MSH4: variants seen among roughly 807,000 people sequenced by gnomAD.
MSH4 encodes the protein mutS homolog 4.
MSH4 carries 106 observed loss-of-function variants against 113.7 expected under a neutral mutation model. The ratio of observed to expected loss-of-function variants is 0.93; its 90% CI spans 0.80 to 1.10. MSH4 has a LOEUF of 1.10. Ranked by LOEUF, MSH4 falls within the 50% of genes least tolerant of loss-of-function variation. MSH4 has a pLI of 0.00. For synonymous variants in MSH4, 368 were observed against 380.2 expected, an observed-to-expected ratio of 0.97 and a Z score of 0.37; for missense variants, 1,061 against 1,093.7, an observed-to-expected ratio of 0.97 and a Z score of 0.42.
At chr1:75,870,760 T>G (rs1279527786) in intron 9 of MSH4, among the ~76,000 whole-genome samples, 1 of 152,210 alleles carries the variant, frequency 6.6e-6, no homozygotes, top group African/African-American at 2.4e-5. Flanking sequence ...GTCTTGGGTA[T>G]GTCTTTCTTA....
chr1:75,834,314 G>A lies in MSH4; in HGVS notation c.1162+11733G>A, dbSNP rs546773514. ...GGAGAGGATGTGGAGAAATAAGAAT[G>A]CTTTTACACTGTTGGTGGGACTGTA... On this transcript the variant is annotated intron_variant, in intron 7 of 19. Transcript: ENST00000263187. Among the ~76,000 whole-genome samples, 16 of 152,256 alleles carry A rather than the reference G, an allele frequency of 1.1e-4. No homozygotes were observed. In the South Asian group the frequency reaches 1.5e-3, roughly 14 times the overall value.
chr1:75,902,993 G>T (rs867255031), intron 19 of MSH4, among the ~76,000 whole-genome samples: 1 of 150,266 alleles, frequency 6.7e-6, no homozygotes, highest in Non-Finnish European at 1.5e-5. Flanking sequence ...CCTTCTGTAG[G>T]CTGTCTCTTC....
Position 75,883,743 on chromosome 1 carries a change from A to T in MSH4, c.2029A>T (p.Ile677Phe), listed in dbSNP as rs1414371749. ...TYVTEGSNFLIITGPNMSGKS... is the reference protein window; with the variant it reads ...TYVTEGSNFLFITGPNMSGKS... ...TGTTACAGAAGGGAGTAATTTTTTGATCATAACTGGACCAAACATGAGTGG... is the reference window on the plus strand; with the variant it reads ...TGTTACAGAAGGGAGTAATTTTTTGTTCATAACTGGACCAAACATGAGTGG... The change falls in exon 15 of 20, where the codon ATC becomes TTC. Residue 677 changes from isoleucine (I) to phenylalanine (F), a missense_variant. By Grantham distance (21) the Ile-to-Phe change is conservative. Coordinates refer to ENST00000263187, the MANE Select transcript of MSH4 (RefSeq NM_002440.4). 6.2e-7 allele frequency: 1 copy of T among 1,613,272 alleles called. No homozygotes were observed. The highest frequency in any genetic ancestry group is 8.5e-7 in the Non-Finnish European group (1 of 1,179,634).
At chr1:75,901,524 G>A (rs1322494452) in intron 19 of MSH4, among the ~76,000 whole-genome samples, 1 of 152,094 alleles carries the variant, frequency 6.6e-6, no homozygotes, top group Non-Finnish European at 1.5e-5. Context: ...ATTCCATTGT[G>A]TATATTTACC....
At chr1:75,820,426 T>C (rs1221753684) in intron 6 of MSH4, among the ~76,000 whole-genome samples, 1 of 152,234 alleles carries the variant, frequency 6.6e-6, no homozygotes, top group Non-Finnish European at 1.5e-5. Context: ...CTGGTAGAAT[T>C]TGGCTGTGAA....
At chr1:75,897,799 C>A in intron 17 of MSH4, 108 bp from the exon 18 acceptor site, 1 of 597,816 alleles carries the variant, frequency 1.7e-6, no homozygotes, top group Non-Finnish European at 2.6e-6. Context: ...TACATCTCTG[C>A]CAAGCTACTT....
At chr1:75,835,365 T>A (rs1303697607) in intron 7 of MSH4, among the ~76,000 whole-genome samples, 1 of 152,192 alleles carries the variant, frequency 6.6e-6, no homozygotes, top group Non-Finnish European at 1.5e-5. Context: ...TTTTTAACTA[T>A]CCTTTTCTTG....
intron 7 of MSH4, among the ~76,000 whole-genome samples, chr1:75,825,781 T>G (rs1650533097): frequency 6.6e-6 from 1 of 152,140 alleles, no homozygotes; most frequent in South Asian, 2.1e-4. Flanking sequence ...GATTTGCATA[T>G]GTTGAACTAG....
At chr1:75,821,132 C>G (rs1650399008) in intron 6 of MSH4, among the ~76,000 whole-genome samples, 1 of 148,760 alleles carries the variant, frequency 6.7e-6, no homozygotes, top group African/African-American at 2.5e-5. Context: ...ACACCTATTC[C>G]AAAATTGACC....
At chr1:75,848,340 G>T in intron 8 of MSH4, 64 bp downstream of exon 8, 1 of 1,138,592 alleles carries the variant, frequency 8.8e-7, no homozygotes, top group Non-Finnish European at 1.3e-6. Context: ...TTGTCTTAAT[G>T]TAATGTAACA....
intron 17 of MSH4, among the ~76,000 whole-genome samples, chr1:75,893,194 A>G (rs1652297001): frequency 6.6e-6 from 1 of 152,184 alleles, no homozygotes; most frequent in Non-Finnish European, 1.5e-5. Context: ...ATTTTAAATA[A>G]CAAAAAAGCA....
intron 7 of MSH4, among the ~76,000 whole-genome samples, chr1:75,828,359 C>T (rs983450908): frequency 6.6e-6 from 1 of 152,186 alleles, no homozygotes; most frequent in Non-Finnish European, 1.5e-5. Flanking sequence ...CCTGCACTCA[C>T]ATGTTTATTG....
intron 7 of MSH4, among the ~76,000 whole-genome samples, chr1:75,831,488 C>T (rs1369809859): frequency 1.3e-5 from 2 of 152,156 alleles, no homozygotes; most frequent in East Asian, 3.8e-4. Flanking sequence ...TATACATTTT[C>T]TCAGCACCAC....
At chr1:75,832,946 A>C (rs1650736646) in intron 7 of MSH4, among the ~76,000 whole-genome samples, 1 of 152,192 alleles carries the variant, frequency 6.6e-6, no homozygotes, top group Admixed American at 6.5e-5. Flanking sequence ...GCAAGCAGGC[A>C]AAAGAAAGAA....
intron 8 of MSH4, among the ~76,000 whole-genome samples, chr1:75,865,515 T>A (rs949852717): frequency 2.6e-5 from 4 of 152,140 alleles, no homozygotes; most frequent in Admixed American, 1.3e-4. Context: ...CTAGGGTTGG[T>A]CGAGAGGCAG....
At chr1:75,846,376 T>C (rs1651078813) in intron 7 of MSH4, among the ~76,000 whole-genome samples, 1 of 152,226 alleles carries the variant, frequency 6.6e-6, no homozygotes, top group Admixed American at 6.5e-5. Flanking sequence ...AATGTCATCT[T>C]TAAAGTATTT....
intron 6 of MSH4, among the ~76,000 whole-genome samples, chr1:75,822,026 A>G (rs909098699): frequency 3.3e-5 from 5 of 152,192 alleles, no homozygotes; most frequent in Non-Finnish European, 5.9e-5. Context: ...TCACGCCTGT[A>G]ATCCCAGCAC....
intron 15 of MSH4, among the ~76,000 whole-genome samples, chr1:75,884,044 G>A (rs1490146897): frequency 1.3e-5 from 2 of 151,868 alleles, no homozygotes; most frequent in African/African-American, 4.8e-5. Flanking sequence ...AAATTTTTTT[G>A]GGATACTACA....
chr1:75,871,098 A>G (rs1651703762), intron 9 of MSH4, among the ~76,000 whole-genome samples: 1 of 152,186 alleles, frequency 6.6e-6, no homozygotes, highest in African/African-American at 2.4e-5. Flanking sequence ...GGAAATGTAC[A>G]ATCATGGCAG....
Sources: gnomAD v4.1 joint callset for allele counts (sites outside exome capture counted in the v4.1 genomes callset) on GRCh38, gnomAD v4.1.1 for gene constraint, MANE v1.5 for transcripts, NCBI Gene and HGNC (gene_info 2026-07-23, HGNC 2026-07-21) for gene names.